The following RPL3 variants were observed in gnomAD, a reference collection of about 807,000 sequenced individuals.
RPL3 encodes large ribosomal subunit protein uL3.
In RPL3, 3 loss-of-function variants were observed where a neutral mutation model predicts 46.0. The observed-to-expected ratio is 0.07, with a 90% CI of 0.03 to 0.17. The LOEUF (loss-of-function observed/expected upper bound fraction) is 0.17. Ranked by LOEUF, RPL3 falls within the 10% of genes least tolerant of loss-of-function variation. The pLI is 1.00. For missense variants in RPL3, 387 were observed against 532.7 expected (o/e 0.73, Z 2.69); for synonymous variants, 224 against 190.8 (o/e 1.17, Z -1.43).
At chr22:39,317,694 G>A in intron 2 of RPL3, 65 bp from the exon 3 acceptor site, 1 of 1,581,678 alleles carries the variant, frequency 6.3e-7, no homozygotes, top group South Asian at 1.1e-5. Flanking sequence ...TGTTTTCTAG[G>A]AAAATGCAAA....
At chr22:39,314,050 A>AT in intron 7 of RPL3, 57 bp downstream of exon 7, 1 of 1,456,598 alleles carries the variant, frequency 6.9e-7, no homozygotes, top group Non-Finnish European at 9.6e-7. Flanking sequence ...GAAGCAGCCT[A>AT]TCCCCAAAAG....
At chr22:39,313,373 C>A in intron 8 of RPL3, 63 bp from the exon 9 acceptor site, 1 of 1,596,858 alleles carries the variant, frequency 6.3e-7, no homozygotes, top group South Asian at 1.1e-5. Context: ...CAGCACTGTT[C>A]ACAGCGCCCC....
chr22:39,318,928 CTA>C (rs34269975), intron 1 of RPL3: 135 of 493,812 alleles, frequency 2.7e-4, no homozygotes, highest in Non-Finnish European at 5.1e-4. Flanking sequence ...GTTTTGACCG[CTA>C]AAGAAAGGGA....
chr22:39,316,614 T>C (rs751006084), intron 4 of RPL3, 92 bp downstream of exon 4: 24 of 1,535,308 alleles, frequency 1.6e-5, no homozygotes, highest in Non-Finnish European at 2.1e-5. Context: ...GGGAGAAGCC[T>C]ACCCATAAGC....
At position 39,314,859 on chromosome 22, in the gene RPL3, C is replaced by T. The variant is rs916769638; in HGVS notation, c.689-13G>A. On this transcript the variant is annotated splice_polypyrimidine_tract_variant and intron_variant, in intron 5 of 9. Coordinates refer to ENST00000216146, the MANE Select transcript of RPL3 (RefSeq NM_000967.4). The stretch of plus-strand genomic sequence containing the variant: ...CGACTGGTGACCCCTGGAATGGATA[C>T]ACATTACTTCACCTCAGCGCCCAGC... 1.9e-6 allele frequency: 3 copies of T among 1,607,998 alleles called. No homozygotes were observed. Among genetic ancestry groups the T allele is most frequent in the Non-Finnish European group, 2.6e-6 (3 of 1,175,424 alleles).
At position 39,313,823 on chromosome 22, in the gene RPL3, T is replaced by TTC. The variant is rs765994528; in HGVS notation, c.952-96_952-95dup. ...CAGGCCCTCCCTGACCACAGGGCTG[T>TTC]TCTCAGAAGGAAGGCAACAAGGAAC... On this transcript the variant is annotated intron_variant, in intron 7 of 9. Transcript: ENST00000216146. The TTC allele has an allele frequency of 8.6e-6, 10 of 1,161,976 alleles. No homozygotes were observed. The East Asian group carries it at 2.3e-4, about 27-fold the overall frequency. The allele number at this position is 1,161,976 out of a possible 1,614,324, so 72.0% of individuals were successfully genotyped here.
At chr22:39,314,450 G>C in intron 6 of RPL3, 1 of 632,294 alleles carries the variant, frequency 1.6e-6, no homozygotes, top group Non-Finnish European at 2.7e-6. Flanking sequence ...GGTGGCATCA[G>C]GGACCAATAA....
At chr22:39,316,899 C>G (rs774315203) in intron 3 of RPL3, 58 bp from the exon 4 acceptor site, 15 of 1,610,156 alleles carry the variant, frequency 9.3e-6, no homozygotes, top group Non-Finnish European at 1.2e-5. Flanking sequence ...ATCACCCCTC[C>G]GAGGGGTGAG....
chr22:39,314,143 A>G lies in RPL3; in HGVS notation c.915T>C (p.Thr305=). 1 of 1,613,346 alleles carries G rather than the reference A, an allele frequency of 6.2e-7. No individual in the cohort carries two copies. The highest frequency in any genetic ancestry group is 8.5e-7 in the Non-Finnish European group (1 of 1,180,028). Residue 305 remains threonine (T), a synonymous_variant, in exon 7 of 10, where the codon ACT becomes ACC. Transcript: ENST00000216146. ...TGCTCTTGTCAGATAGGTCATAGTC[A>G]GTGGAGGCATTGTTCTTGATCAGCT... ...DGKLIKNNAS[T]DYDLSDKSIN... is the part of the protein sequence containing the mutation.
chr22:39,314,987 CCT>C (rs769172461), intron 5 of RPL3, 141 bp from the exon 6 acceptor site: 79 of 1,223,026 alleles, frequency 6.5e-5, no homozygotes, highest in Non-Finnish European at 7.3e-5. Context: ...ACAGGTCTCC[CCT>C]GTCAAGCTGG....
intron 7 of RPL3, 107 bp downstream of exon 7, chr22:39,313,995 GGTGTT>G: frequency 1.1e-6 from 1 of 914,478 alleles, no homozygotes; most frequent in Admixed American, 1.7e-5. Flanking sequence ...GACACAGCTA[GGTGTT>G]GTGTTGGCTT....
At chr22:39,313,771 T>C (rs137620) in intron 7 of RPL3, 42 bp from the exon 8 acceptor site, 723,905 of 1,583,350 alleles carry the variant, frequency 0.46, 174,195 homozygotes, top group Non-Finnish European at 0.5. Context: ...CAGGAGGGGA[T>C]TGTCGTGCAG....
At chr22:39,318,978 A>C (rs767857287) in intron 1 of RPL3, 2 of 537,872 alleles carry the variant, frequency 3.7e-6, no homozygotes, top group East Asian at 1.1e-4. Context: ...TAGCAATGTT[A>C]AGCTATAGGC....
In RPL3 at chr22:39,319,519, G is replaced by A. The variant is rs41274553; in HGVS notation, c.3+76C>T. 13,428 of 1,546,736 alleles carry A rather than the reference G, an allele frequency of 8.7e-3. 87 individuals are homozygous for A. Among genetic ancestry groups the A allele is most frequent in the Non-Finnish European group, 9.1e-3 (10,395 of 1,142,656 alleles). On this transcript the variant is annotated intron_variant, in intron 1 of 9. Coordinates refer to ENST00000216146, the MANE Select transcript of RPL3 (RefSeq NM_000967.4). ...CAAACCCCCGGCGCCGGCCAAGACG[G>A]GATGGCGGCGATGCGTCGCGGATTC... is the stretch of plus-strand genomic sequence containing the variant.
chr22:39,313,203 C>T lies in RPL3; in HGVS notation c.1155G>A (p.Lys385=), dbSNP rs746301036. The change falls in exon 9 of 10, where the codon AAG becomes AAA. Residue 385 remains lysine (K), a synonymous_variant. Transcript: ENST00000216146. ...GHGRFQTMEE[K]KAFMGPLKKD... is the part of the protein sequence containing the mutation. ...CAGAGGTGCTCACCATGAATGCTTT[C>T]TTCTCCTCCATGGTCTGGAAGCGGC... 5.6e-6 allele frequency: 9 copies of T among 1,608,396 alleles called. No homozygotes were observed. The East Asian group carries it at 1.3e-4, about 24-fold the overall frequency.
intron 2 of RPL3, 114 bp downstream of exon 2, chr22:39,318,286 G>T (rs901423963): frequency 2.8e-6 from 3 of 1,063,312 alleles, no homozygotes; most frequent in Non-Finnish European, 4.1e-6. Context: ...CTGACAACGT[G>T]TAACTCCTGC....
At position 39,313,231 on chromosome 22, in the gene RPL3, T is replaced by C. The variant is rs1922467348; in HGVS notation, c.1127A>G (p.His376Arg). ...CTCCTCCATGGTCTGGAAGCGGCCA[T>C]GGCCAAACTTGGAGGTGGTGTCAAT... ...KFIDTTSKFG[H>R]GRFQTMEEKK... The change falls in exon 9 of 10, where the codon CAT (histidine) becomes CGT (arginine). Residue 376 changes from histidine (H) to arginine (R), a missense_variant. Around this residue, in one of 5 missense-constraint regions of RPL3, gnomAD observed 131 missense variants for 185.1 expected, o/e 0.71. Transcript: ENST00000216146. 6.2e-7 allele frequency: 1 copy of C among 1,610,542 alleles called. No individual in the cohort carries two copies. The highest frequency in any genetic ancestry group is 8.5e-7 in the Non-Finnish European group (1 of 1,178,476).
chr22:39,319,475 G>A, intron 1 of RPL3, 120 bp downstream of exon 1: 2 of 1,360,322 alleles, frequency 1.5e-6, no homozygotes, highest in Non-Finnish European at 2.0e-6. Flanking sequence ...TCCCCGCTGG[G>A]TCGCCCGTGC....
intron 2 of RPL3, 105 bp from the exon 3 acceptor site, chr22:39,317,734 G>T: frequency 7.9e-7 from 1 of 1,273,318 alleles, no homozygotes; most frequent in African/African-American, 1.5e-5. Flanking sequence ...GGGCAACTGG[G>T]CCCCACACCT....
Sources: gnomAD v4.1 joint callset for allele counts on GRCh38, gnomAD v4.1.1 for gene constraint, gnomAD v4.1.1 regional missense constraint, MANE v1.5 for transcripts, NCBI Gene and HGNC (gene_info 2026-07-23, HGNC 2026-07-21) for gene names.